Variants in DMBX1 observed in about 807,000 individuals in gnomAD.
The protein encoded by DMBX1 is diencephalon/mesencephalon homeobox 1.
Under a neutral mutation model 30.4 loss-of-function variants are expected in DMBX1, and 7 were observed. The ratio of observed to expected loss-of-function variants is 0.23; its 90% CI spans 0.13 to 0.43. DMBX1 has a LOEUF of 0.43. Among genes scored for constraint, DMBX1 ranks in the 20% least tolerant of loss-of-function variants. The pLI, the probability that DMBX1 is intolerant of heterozygous loss-of-function variation, is 1.00. For synonymous variants in DMBX1, 222 were observed against 214.2 expected (o/e 1.04, Z -0.32); for missense variants, 460 against 508.5 (o/e 0.90, Z 0.92).
intron 5 of DMBX1, among the ~76,000 whole-genome samples, 197 bp from the exon 6 acceptor site, chr1:46,511,846 C>T (rs1197239003): frequency 6.6e-6 from 1 of 152,158 alleles, no homozygotes; most frequent in Non-Finnish European, 1.5e-5. Flanking sequence ...GGAGCTTTCC[C>T]AAGAAGCCTG....
rs1209666995 is a variant in DMBX1, at chr1:46,511,295, G to C, written c.682+12G>C. The C allele has an allele frequency of 7.2e-6, 11 of 1,535,538 alleles. No homozygotes were observed. The highest frequency in any genetic ancestry group is 2.1e-5 in the Admixed American group (1 of 48,194). On this transcript the variant is annotated intron_variant, in intron 5 of 5. Transcript: ENST00000360032. ...CAGCCCCAAGGCAGGTGAGGTCTGA[G>C]GGGTACCATGGGAGGGCTGGGGTCT... is the stretch of plus-strand genomic sequence containing the variant.
chr1:46,490,263 G>A (rs1484335932), intron 1 of DMBX1, among the ~76,000 whole-genome samples: 2 of 152,354 alleles, frequency 1.3e-5, no homozygotes, highest in Admixed American at 6.5e-5. Context: ...GCCGAGGCGA[G>A]GACGAAGGCC....
chr1:46,512,668 C>A lies in DMBX1; in HGVS notation c.*174C>A. The A allele has an allele frequency of 1.4e-6, 1 of 717,192 alleles. No homozygotes were observed. The highest frequency in any genetic ancestry group is 2.2e-6 in the Non-Finnish European group (1 of 445,948). 44.4% of individuals were successfully genotyped at this position (717,192 alleles called of 1,614,324 possible). A position where few individuals can be genotyped will look rare whatever the true frequency, so the allele number is the denominator to read the frequency against. ...GCCCGAGGTGAAGCCCACACCTACACACCCTCTGCATGGCCCTGCCTGGAC... is the reference window on the plus strand; with the variant it reads ...GCCCGAGGTGAAGCCCACACCTACAAACCCTCTGCATGGCCCTGCCTGGAC... On this transcript the variant is annotated 3_prime_UTR_variant, in exon 6 of 6. Transcript: ENST00000360032. The surrounding 1 kb of genome is among the most constrained non-coding windows in gnomAD (Gnocchi z 4.8).
At chr1:46,504,974 A>T (rs1236271245) in intron 2 of DMBX1, among the ~76,000 whole-genome samples, 1 of 152,188 alleles carries the variant, frequency 6.6e-6, no homozygotes, top group Non-Finnish European at 1.5e-5. Context: ...GAAGACATTT[A>T]TGCAGCCAAA....
chr1:46,512,049 C>G lies in DMBX1; in HGVS notation c.689C>G (p.Pro230Arg). The G allele has an allele frequency of 3.1e-6, 5 of 1,609,958 alleles. No homozygotes were observed. The highest frequency in any genetic ancestry group is 4.2e-6 in the Non-Finnish European group (5 of 1,178,782). ...TTGGGTTCTCTGCTTGCAGATTCCC[C>G]AGGCAGCCTGACCATCACTCCTGTG... ...CKRGSPKADS[P>R]GSLTITPVAP... The change falls in exon 6 of 6, where the codon CCA becomes CGA. Residue 230 changes from proline (P) to arginine (R), a missense_variant. By Grantham distance (103) the Pro-to-Arg change is moderately radical. Around this residue, in one of 3 missense-constraint regions of DMBX1, gnomAD observed 334 missense variants for 345.1 expected, o/e 0.97. Transcript: ENST00000360032. This position sits in a 1 kb window ranked among gnomAD's most constrained non-coding sequence, Gnocchi z 4.8.
chr1:46,506,542 A>T (rs190569053), intron 2 of DMBX1, among the ~76,000 whole-genome samples: 11 of 152,386 alleles, frequency 7.2e-5, no homozygotes, highest in African/African-American at 2.6e-4. Flanking sequence ...CAGCAAATGA[A>T]TTTGTAAATC....
intron 2 of DMBX1, among the ~76,000 whole-genome samples, chr1:46,502,185 T>C (rs1242334916): frequency 2.0e-5 from 3 of 152,182 alleles, no homozygotes; most frequent in Non-Finnish European, 2.9e-5. Context: ...CAACAGCCAA[T>C]TCAACATATG....
At position 46,514,682 on chromosome 1, in the gene DMBX1, A is replaced by C. The variant is rs61783081; in HGVS notation, c.*2188A>C. On this transcript the variant is annotated 3_prime_UTR_variant, in exon 6 of 6. Coordinates refer to ENST00000360032, the MANE Select transcript of DMBX1 (RefSeq NM_172225.2). ...TGGTGGCTCACCACTGAACACTCCAAACCCTGCTTAAAGAAGTTGATCTAT... is the reference window on the plus strand; with the variant it reads ...TGGTGGCTCACCACTGAACACTCCACACCCTGCTTAAAGAAGTTGATCTAT... 0.032 allele frequency among the ~76,000 whole-genome samples: 4,822 copies of C among 152,204 alleles called. 93 individuals carry two copies. The highest frequency in any genetic ancestry group is 0.042 in the South Asian group (202 of 4,804).
At chr1:46,497,503 C>T (rs1338246785) in intron 2 of DMBX1, among the ~76,000 whole-genome samples, 1 of 152,058 alleles carries the variant, frequency 6.6e-6, no homozygotes, top group Non-Finnish European at 1.5e-5. Context: ...TGAGAAGAAA[C>T]AGAGGGAAAA....
rs530579975 is a variant in DMBX1 at position 46,493,708 on chromosome 1, C to A, written c.-13+2925C>A. 3.1e-4 allele frequency among the ~76,000 whole-genome samples: 47 copies of A among 152,378 alleles called. 1 individual carries two copies. Among genetic ancestry groups the A allele is most frequent in the Admixed American group, 2.7e-3 (42 of 15,312 alleles). ...CACTGGAGCCCACTGGGTTTCCCGG[C>A]CTGTTCCAGCCTCCACAGCTCTATC... On this transcript the variant is annotated intron_variant, in intron 2 of 5. Coordinates refer to ENST00000360032, the MANE Select transcript of DMBX1 (RefSeq NM_172225.2). The surrounding 1 kb of genome is among the most constrained non-coding windows in gnomAD (Gnocchi z 4.1).
intron 1 of DMBX1, among the ~76,000 whole-genome samples, 59 bp from the exon 2 acceptor site, chr1:46,490,585 C>G (rs915395081): frequency 6.6e-6 from 1 of 152,210 alleles, no homozygotes; most frequent in Non-Finnish European, 1.5e-5. Flanking sequence ...TCCTGGTCCA[C>G]GCGAACCCCG....
At chr1:46,494,577 C>T (rs1210687653) in intron 2 of DMBX1, among the ~76,000 whole-genome samples, 1 of 152,090 alleles carries the variant, frequency 6.6e-6, no homozygotes, top group Non-Finnish European at 1.5e-5. Context: ...GCCCTGAGAC[C>T]CACCGGGACC....
chr1:46,512,123 C>T lies in DMBX1; in HGVS notation c.763C>T (p.Pro255Ser). The stretch of plus-strand genomic sequence containing the variant: ...CCCCTCCCACTCCTATTCCTCGTCC[C>T]CGCTGAGCCTCTTCCGTCTGCAGGA... The part of the protein sequence containing the change: ...LGPSHSYSSS[P>S]LSLFRLQEQF... Residue 255 changes from proline (P) to serine (S), a missense_variant, in exon 6 of 6, where the codon CCG becomes TCG. Pro to Ser is a moderately conservative substitution (Grantham distance 74). This residue lies in a region of DMBX1 where 334 missense variants were observed against 345.1 expected (regional missense o/e 0.97). Coordinates refer to ENST00000360032, the MANE Select transcript of DMBX1 (RefSeq NM_172225.2). This position sits in a 1 kb window ranked among gnomAD's most constrained non-coding sequence, Gnocchi z 4.8. 1 of 1,613,994 alleles carries T rather than the reference C, an allele frequency of 6.2e-7. No individual in the cohort carries two copies. The highest frequency in any genetic ancestry group is 8.5e-7 in the Non-Finnish European group (1 of 1,179,976).
chr1:46,504,116 C>T (rs2148486543), intron 2 of DMBX1, among the ~76,000 whole-genome samples: 1 of 151,948 alleles, frequency 6.6e-6, no homozygotes, highest in African/African-American at 2.4e-5. Context: ...GGATATTAGC[C>T]CTTTGTCAGA....
At position 46,493,097 on chromosome 1, in the gene DMBX1, C is replaced by CCCCCA. The variant is rs1665962224; in HGVS notation, c.-13+2324_-13+2328dup. On this transcript the variant is annotated intron_variant, in intron 2 of 5. Transcript: ENST00000360032. The surrounding 1 kb of genome is among the most constrained non-coding windows in gnomAD (Gnocchi z 4.1). ...CCCCACCCCTGCCTTCCCATTTCGCCCCCCACCCCACCCCTTTCTCACAGT... is the reference window on the plus strand; with the variant it reads ...CCCCACCCCTGCCTTCCCATTTCGCCCCCCACCCCACCCCACCCCTTTCTCACAGT... 6.6e-6 allele frequency among the ~76,000 whole-genome samples: 1 copy of CCCCCA among 152,134 alleles called. No homozygotes were observed. Among genetic ancestry groups the CCCCCA allele is most frequent in the African/African-American group, 2.4e-5 (1 of 41,422 alleles).
chr1:46,503,413 G>A (rs1432769989), intron 2 of DMBX1, among the ~76,000 whole-genome samples: 1 of 152,228 alleles, frequency 6.6e-6, no homozygotes, highest in Non-Finnish European at 1.5e-5. Flanking sequence ...CATGAAGTTA[G>A]GGACTTTGCT....
intron 2 of DMBX1, among the ~76,000 whole-genome samples, chr1:46,502,888 A>AC (rs1557786670): frequency 1.3e-5 from 2 of 152,154 alleles, no homozygotes; most frequent in African/African-American, 4.8e-5. Flanking sequence ...TCAGAAATAA[A>AC]AAAAACAAAA....
chr1:46,498,069 G>T (rs151149640), intron 2 of DMBX1, among the ~76,000 whole-genome samples: 1 of 152,084 alleles, frequency 6.6e-6, no homozygotes, highest in Non-Finnish European at 1.5e-5. Context: ...GTTCCAGCCT[G>T]GGGGGGCCTC....
chr1:46,493,224 C>A lies in DMBX1; in HGVS notation c.-13+2441C>A, dbSNP rs1665964643. ...CTGCCCGCCAAAGCCCATTACCGAA[C>A]GAGTAGGGAGGGGCGCTGGGGTGGG... On this transcript the variant is annotated intron_variant, in intron 2 of 5. Coordinates refer to ENST00000360032, the MANE Select transcript of DMBX1 (RefSeq NM_172225.2). The surrounding 1 kb of genome is among the most constrained non-coding windows in gnomAD (Gnocchi z 4.1). 6.6e-6 allele frequency among the ~76,000 whole-genome samples: 1 copy of A among 152,190 alleles called. No homozygotes were observed. The highest frequency in any genetic ancestry group is 1.5e-5 in the Non-Finnish European group (1 of 68,040).
Sources: gnomAD v4.1 joint callset for allele counts (sites outside exome capture counted in the v4.1 genomes callset) on GRCh38, gnomAD v4.1.1 for gene constraint, gnomAD v4.1.1 regional missense constraint, Gnocchi (gnomAD v3.1) non-coding constraint, MANE v1.5 for transcripts, NCBI Gene and HGNC (gene_info 2026-07-23, HGNC 2026-07-21) for gene names.